Variants in RRAGD observed in about 807,000 individuals in gnomAD.
The protein encoded by RRAGD is ras-related GTP-binding protein D.
A neutral mutation model predicts 35.5 loss-of-function variants in RRAGD; 12 were observed. The ratio of observed to expected loss-of-function variants is 0.34; its 90% CI spans 0.22 to 0.55. RRAGD has a LOEUF of 0.55. Ranked by LOEUF, RRAGD falls within the 20% of genes least tolerant of loss-of-function variation. The pLI is 0.91. For synonymous variants in RRAGD, 155 were observed against 178.9 expected (o/e 0.87, Z 1.07); for missense variants, 324 against 490.1 (o/e 0.66, Z 3.20).
At chr6:89,396,044 C>T (rs1769326348) in intron 1 of RRAGD, among the ~76,000 whole-genome samples, 2 of 151,588 alleles carry the variant, frequency 1.3e-5, no homozygotes, top group Non-Finnish European at 2.9e-5. Context: ...AACTATGAAA[C>T]TTCTAGGGTA....
At chr6:89,393,687 G>A (rs922712442) in intron 1 of RRAGD, among the ~76,000 whole-genome samples, 1 of 152,108 alleles carries the variant, frequency 6.6e-6, no homozygotes, top group African/African-American at 2.4e-5. Flanking sequence ...TCAAATATTC[G>A]AGTAATGCCA....
chr6:89,399,941 A>G (rs1194822293), intron 1 of RRAGD, among the ~76,000 whole-genome samples: 2 of 152,024 alleles, frequency 1.3e-5, no homozygotes, highest in Non-Finnish European at 2.9e-5. Context: ...CGGCCCAGTG[A>G]GGGAGCATAA....
Position 89,380,153 on chromosome 6 carries a change from G to T in RRAGD, c.644+15C>A. On this transcript the variant is annotated intron_variant, in intron 3 of 6. Transcript: ENST00000369415. ...CCATCCTTTATTGGGATCCTTAAGGGGTTTCTGTTCTCACCTGAGGTGAAT... is the reference window on the plus strand; with the variant it reads ...CCATCCTTTATTGGGATCCTTAAGGTGTTTCTGTTCTCACCTGAGGTGAAT... 1 of 1,612,928 alleles carries T rather than the reference G, an allele frequency of 6.2e-7. No homozygotes were observed. Among genetic ancestry groups the T allele is most frequent in the Non-Finnish European group, 8.5e-7 (1 of 1,179,004 alleles).
In RRAGD at chr6:89,368,147, C is replaced by G; in HGVS notation, c.1112G>C (p.Arg371Thr). 1 of 1,613,918 alleles carries G rather than the reference C, an allele frequency of 6.2e-7. No homozygotes were observed. Among genetic ancestry groups the G allele is most frequent in the Non-Finnish European group, 8.5e-7 (1 of 1,179,898 alleles). Residue 371 changes from arginine (R) to threonine (T), a missense_variant, in exon 7 of 7, where the codon AGA (arginine) becomes ACA (threonine). Arg to Thr is a moderately conservative substitution (Grantham distance 71). Transcript: ENST00000369415. ...RKAIHEVFEVRMKVVKSRKVQ... is the reference protein window; with the variant it reads ...RKAIHEVFEVTMKVVKSRKVQ... ...CTTTCGAGATTTTACTACTTTCATT[C>G]TCACCTCAAAAACTTCATGAATGGC...
chr6:89,385,643 G>A (rs1375710228), intron 2 of RRAGD, among the ~76,000 whole-genome samples: 3 of 152,220 alleles, frequency 2.0e-5, no homozygotes, highest in Admixed American at 2.0e-4. Context: ...TGGACGTGGT[G>A]CAGGTAACAC....
At chr6:89,408,887 C>T (rs1361722577) in intron 1 of RRAGD, among the ~76,000 whole-genome samples, 1 of 152,088 alleles carries the variant, frequency 6.6e-6, no homozygotes, top group Non-Finnish European at 1.5e-5. Context: ...TTTTTAACGG[C>T]CTAACCATTC....
intron 2 of RRAGD, among the ~76,000 whole-genome samples, 161 bp downstream of exon 2, chr6:89,387,134 C>T (rs1045114487): frequency 6.6e-5 from 10 of 152,246 alleles, no homozygotes; most frequent in East Asian, 1.9e-4. Flanking sequence ...TTGTTGGTCA[C>T]GGCTGGAGCC....
chr6:89,405,391 C>A (rs919306326), intron 1 of RRAGD, among the ~76,000 whole-genome samples: 1 of 147,686 alleles, frequency 6.8e-6, no homozygotes, highest in Non-Finnish European at 1.5e-5. Context: ...AACATAGTGG[C>A]GAAGTGATGG....
At chr6:89,380,133 C>G in intron 3 of RRAGD, 35 bp downstream of exon 3, 1 of 1,604,850 alleles carries the variant, frequency 6.2e-7, no homozygotes, top group Non-Finnish European at 8.5e-7. Context: ...TTCTTCCATC[C>G]TTTATTGGGA....
At chr6:89,376,311 GTGT>G (rs1562446208) in intron 5 of RRAGD, among the ~76,000 whole-genome samples, 191 of 140,126 alleles carry the variant, frequency 1.4e-3, no homozygotes, top group African/African-American at 5.0e-3. Flanking sequence ...GTGTGTGTGT[GTGT>G]GTGTGTGTGT....
At chr6:89,378,928 GT>G (rs1768994789) in intron 4 of RRAGD, among the ~76,000 whole-genome samples, 1 of 151,372 alleles carries the variant, frequency 6.6e-6, no homozygotes, top group Non-Finnish European at 1.5e-5. Flanking sequence ...CACCTGGCTA[GT>G]TTTTACATTT....
intron 2 of RRAGD, among the ~76,000 whole-genome samples, chr6:89,384,139 G>C (rs1769097613): frequency 6.6e-6 from 1 of 151,490 alleles, no homozygotes; most frequent in South Asian, 2.1e-4. Context: ...GGACACTCAA[G>C]TGCTGTGGAG....
chr6:89,389,888 G>C (rs1343782809), intron 1 of RRAGD, among the ~76,000 whole-genome samples: 2 of 152,002 alleles, frequency 1.3e-5, no homozygotes, highest in African/African-American at 4.8e-5. Flanking sequence ...CATCTCATAG[G>C]GCTGTTACAA....
rs1418766893 is a variant in RRAGD at position 89,364,759 on chromosome 6, C to A, written c.*3297G>T. The A allele has an allele frequency of 4.6e-5, 7 of 152,146 alleles. No homozygotes were observed. The highest frequency in any genetic ancestry group is 1.5e-5 in the Non-Finnish European group (1 of 68,014). The allele number at this position is 152,146 out of a possible 1,614,324, so 9.4% of individuals were successfully genotyped here. A position where few individuals can be genotyped will look rare whatever the true frequency, so the allele number is the denominator to read the frequency against. On this transcript the variant is annotated 3_prime_UTR_variant, in exon 7 of 7. Transcript: ENST00000369415. ...AACAGTGACATACATGTATGGTAAGCAACCTCAGAAACAGGAAAGGCTGTA... is the reference window on the plus strand; with the variant it reads ...AACAGTGACATACATGTATGGTAAGAAACCTCAGAAACAGGAAAGGCTGTA...
At chr6:89,398,102 G>A (rs947922618) in intron 1 of RRAGD, among the ~76,000 whole-genome samples, 8 of 151,702 alleles carry the variant, frequency 5.3e-5, no homozygotes, top group East Asian at 1.9e-4. Context: ...CCAAGATTGC[G>A]TCACTGCGCT....
chr6:89,395,766 A>G (rs1382714492), intron 1 of RRAGD, among the ~76,000 whole-genome samples: 4 of 152,252 alleles, frequency 2.6e-5, no homozygotes, highest in Admixed American at 6.5e-5. Flanking sequence ...TTCCCATCTC[A>G]GAGAAACTTA....
In RRAGD at chr6:89,405,568, AAGGACACACGCAC is replaced by A. The variant is rs1430161055; in HGVS notation, c.148+6265_148+6277del. On this transcript the variant is annotated intron_variant, in intron 1 of 6. Transcript: ENST00000369415. ...CACACGGACACACACACAGGCACAC[AAGGACACACGCAC>A]AGGACACACGCAGGCACACAAACAC... Among the ~76,000 whole-genome samples the A allele has an allele frequency of 3.9e-5, 6 of 151,956 alleles. No homozygotes were observed. In the East Asian group the frequency reaches 1.2e-3, roughly 29 times the overall value.
At chr6:89,377,123 A>G in intron 5 of RRAGD, among the ~76,000 whole-genome samples, 1 of 152,264 alleles carries the variant, frequency 6.6e-6, no homozygotes, top group East Asian at 1.9e-4. Flanking sequence ...TGCGTAATAC[A>G]TAACATACAA....
At chr6:89,389,514 C>T (rs1769194462) in intron 1 of RRAGD, among the ~76,000 whole-genome samples, 1 of 149,112 alleles carries the variant, frequency 6.7e-6, no homozygotes, top group African/African-American at 2.5e-5. Context: ...CGAGATCATG[C>T]CACTGCACTC....
Sources: allele counts gnomAD v4.1 joint callset (sites outside exome capture counted in the v4.1 genomes callset), GRCh38; gene constraint gnomAD v4.1.1; transcripts MANE v1.5; gene names NCBI Gene and HGNC (gene_info 2026-07-23, HGNC 2026-07-21).